The following CNTN5 variants were observed in gnomAD, a reference collection of about 807,000 sequenced individuals.
The protein encoded by CNTN5 is contactin 5, also known as contactin-5.
CNTN5 carries 77 observed loss-of-function variants against 129.1 expected under a neutral mutation model. The ratio of observed to expected loss-of-function variants is 0.60; its 90% CI spans 0.50 to 0.72. The LOEUF is 0.72. Ranked by LOEUF, CNTN5 falls within the 30% of genes least tolerant of loss-of-function variation. CNTN5 has a pLI of 0.00. For missense variants in CNTN5, 1,478 were observed against 1,328.8 expected (o/e 1.11, Z -1.75); for synonymous variants, 509 against 465.6 (o/e 1.09, Z -1.20).
At chr11:100,056,919 T>TA (rs1943253032) in intron 9 of CNTN5, among the ~76,000 whole-genome samples, 2 of 151,764 alleles carry the variant, frequency 1.3e-5, no homozygotes. Context: ...AAAAGCTATA[T>TA]AAAAACTAAT....
At chr11:99,772,727 G>T (rs1944988214) in intron 3 of CNTN5, among the ~76,000 whole-genome samples, 1 of 152,022 alleles carries the variant, frequency 6.6e-6, no homozygotes, top group Non-Finnish European at 1.5e-5. Flanking sequence ...GTTGAACAGG[G>T]AGTTGTATTC....
intron 2 of CNTN5, among the ~76,000 whole-genome samples, chr11:99,349,146 G>C (rs940209589): frequency 2.0e-5 from 3 of 152,156 alleles, no homozygotes; most frequent in African/African-American, 7.2e-5. Flanking sequence ...CATCTGAAAA[G>C]CTAATATTAG....
At chr11:99,702,320 T>C (rs2134878314) in intron 3 of CNTN5, among the ~76,000 whole-genome samples, 1 of 151,152 alleles carries the variant, frequency 6.6e-6, no homozygotes, top group South Asian at 2.1e-4. Context: ...TATTCTTTTC[T>C]GTTACTAGCC....
At chr11:100,188,390 T>C (rs1948368988) in intron 13 of CNTN5, among the ~76,000 whole-genome samples, 1 of 152,128 alleles carries the variant, frequency 6.6e-6, no homozygotes, top group Non-Finnish European at 1.5e-5. Context: ...CGAGCTGTGA[T>C]TGCACCACTG....
At chr11:99,438,556 C>T (rs1943691264) in intron 2 of CNTN5, among the ~76,000 whole-genome samples, 1 of 152,056 alleles carries the variant, frequency 6.6e-6, no homozygotes, top group Admixed American at 6.5e-5. Flanking sequence ...CTCTCTCTCT[C>T]ATACACACAC....
At chr11:99,735,895 A>G (rs1943690098) in intron 3 of CNTN5, among the ~76,000 whole-genome samples, 2 of 152,044 alleles carry the variant, frequency 1.3e-5, no homozygotes, top group South Asian at 4.2e-4. Flanking sequence ...ATCTTGCAAA[A>G]CTGAAACTTT....
chr11:99,933,863 T>G (rs1047220602), intron 7 of CNTN5, among the ~76,000 whole-genome samples: 1 of 152,220 alleles, frequency 6.6e-6, no homozygotes, highest in South Asian at 2.1e-4. Flanking sequence ...AAAGCTGCTA[T>G]GGGATTAGTA....
At chr11:99,708,485 G>A (rs1476984222) in intron 3 of CNTN5, among the ~76,000 whole-genome samples, 1 of 151,620 alleles carries the variant, frequency 6.6e-6, no homozygotes, top group Non-Finnish European at 1.5e-5. Flanking sequence ...AAATATAAAA[G>A]TCGACAGATG....
At chr11:99,934,947 T>TATATATAC (rs1219227683) in intron 7 of CNTN5, among the ~76,000 whole-genome samples, 1 of 79,122 alleles carries the variant, frequency 1.3e-5, no homozygotes, top group African/African-American at 6.1e-5. Flanking sequence ...TATATATATA[T>TATATATAC]ACACACACAT....
intron 1 of CNTN5, among the ~76,000 whole-genome samples, chr11:99,315,676 G>T (rs1356192693): frequency 6.7e-6 from 1 of 149,400 alleles, no homozygotes; most frequent in African/African-American, 2.4e-5. Context: ...TTATGGGATG[G>T]TATGAAAGCA....
At chr11:99,600,985 C>T (rs945987526) in intron 3 of CNTN5, among the ~76,000 whole-genome samples, 1 of 152,080 alleles carries the variant, frequency 6.6e-6, no homozygotes, top group Admixed American at 6.6e-5. Context: ...GGCTTAGGAC[C>T]CTTCTCTCCT....
chr11:99,097,822 T>C (rs1342029790), intron 1 of CNTN5, among the ~76,000 whole-genome samples: 1 of 152,032 alleles, frequency 6.6e-6, no homozygotes, highest in Non-Finnish European at 1.5e-5. Flanking sequence ...TTAGGTGATG[T>C]CTTTCTCTTA....
intron 2 of CNTN5, among the ~76,000 whole-genome samples, chr11:99,352,166 T>C (rs1027841488): frequency 2.0e-5 from 3 of 152,210 alleles, no homozygotes; most frequent in Non-Finnish European, 4.4e-5. Flanking sequence ...GGAATATGAA[T>C]AGACCTGAGT....
intron 7 of CNTN5, among the ~76,000 whole-genome samples, chr11:99,942,073 A>T (rs2136114554): frequency 6.6e-6 from 1 of 152,258 alleles, no homozygotes; most frequent in South Asian, 2.1e-4. Context: ...AATAATACCC[A>T]TTAGCAATTT....
In CNTN5 at chr11:99,733,155, C is replaced by T. The variant is rs191389348; in HGVS notation, c.56-86389C>T. ...CCCGGTCAAGATGGTGAAACCTCGT[C>T]TCTACTAAGAATACAAAAAAAGCCG... On this transcript the variant is annotated intron_variant, in intron 3 of 24. Transcript: ENST00000524871. Among the ~76,000 whole-genome samples the T allele has an allele frequency of 6.9e-3, 1,030 of 148,458 alleles. 16 individuals carry two copies. The highest frequency in any genetic ancestry group is 0.025 in the African/African-American group (970 of 38,576).
At chr11:99,687,177 T>C (rs1953832580) in intron 3 of CNTN5, among the ~76,000 whole-genome samples, 1 of 152,126 alleles carries the variant, frequency 6.6e-6, no homozygotes, top group African/African-American at 2.4e-5. Context: ...TACACTGTTA[T>C]TTAGTTGGGT....
chr11:99,754,453 G>A (rs1484724153), intron 3 of CNTN5, among the ~76,000 whole-genome samples: 1 of 152,048 alleles, frequency 6.6e-6, no homozygotes, highest in Non-Finnish European at 1.5e-5. Flanking sequence ...CTTATTTGCT[G>A]ATTTTTCTCA....
At chr11:99,997,923 G>C (rs997015831) in intron 8 of CNTN5, among the ~76,000 whole-genome samples, 10 of 152,188 alleles carry the variant, frequency 6.6e-5, no homozygotes, top group Middle Eastern at 3.4e-3. Context: ...TATCTCAATA[G>C]ATACAGAAAA....
Position 99,608,100 on chromosome 11 carries a change from TAAA to T in CNTN5, c.55+51844_55+51846del, listed in dbSNP as rs11284734. ...ATGTACCCTAAAACTTAGAGTATAA[TAAA>T]AAAAAAAAAAAATCACAGTGTTTGT... is the stretch of plus-strand genomic sequence containing the variant. On this transcript the variant is annotated intron_variant, in intron 3 of 24. Transcript: ENST00000524871. Among the ~76,000 whole-genome samples, 390 of 147,516 alleles carry T rather than the reference TAAA, an allele frequency of 2.6e-3. 2 individuals carry two copies. The highest frequency in any genetic ancestry group is 7.5e-3 in the African/African-American group (295 of 39,594).
Sources: allele counts gnomAD v4.1 joint callset (sites outside exome capture counted in the v4.1 genomes callset), GRCh38; gene constraint gnomAD v4.1.1; transcripts MANE v1.5; gene names NCBI Gene and HGNC (gene_info 2026-07-23, HGNC 2026-07-21).